The following PDE4D variants were observed in gnomAD, a reference collection of about 807,000 sequenced individuals.
PDE4D encodes 3',5'-cyclic-AMP phosphodiesterase 4D.
A neutral mutation model predicts 87.4 loss-of-function variants in PDE4D; 24 were observed. The observed-to-expected ratio is 0.27, with a 90% CI of 0.20 to 0.39. The LOEUF is 0.39. Ranked by LOEUF, PDE4D falls within the 10% of genes least tolerant of loss-of-function variation. The probability of loss-of-function intolerance (pLI) is 1.00; values close to 1 mark genes in which losing one functional copy is unlikely to be tolerated. For synonymous variants in PDE4D, 384 were observed against 383.2 expected, an observed-to-expected ratio of 1.00 and a Z score of -0.02; for missense variants, 714 against 1,041.0, an observed-to-expected ratio of 0.69 and a Z score of 4.32.
At chr5:59,712,444 T>A (rs1158711924) in intron 1 of PDE4D, among the ~76,000 whole-genome samples, 3 of 145,846 alleles carry the variant, frequency 2.1e-5, no homozygotes, top group Non-Finnish European at 4.5e-5. Flanking sequence ...GTTGTTTTAT[T>A]CTAAGTTCTT....
At chr5:60,079,490 A>G (rs1582545657) in intron 2 of PDE4D, among the ~76,000 whole-genome samples, 1 of 152,106 alleles carries the variant, frequency 6.6e-6, no homozygotes, top group African/African-American at 2.4e-5. Context: ...GTTTTCTTCT[A>G]CTGTTTTTAT....
chr5:59,976,654 T>C (rs1004559595), intron 3 of PDE4D, among the ~76,000 whole-genome samples: 19 of 152,332 alleles, frequency 1.2e-4, no homozygotes, highest in Admixed American at 3.9e-4. Context: ...TTTATAGCCA[T>C]GCAAAACAGA....
At chr5:59,439,491 T>C (rs1219101341) in intron 1 of PDE4D, among the ~76,000 whole-genome samples, 2 of 152,192 alleles carry the variant, frequency 1.3e-5, no homozygotes, top group Non-Finnish European at 2.9e-5. Flanking sequence ...TCAGTTTCCA[T>C]GACACTTAGG....
At chr5:59,298,082 G>A (rs1335468466) in intron 1 of PDE4D, among the ~76,000 whole-genome samples, 2 of 150,230 alleles carry the variant, frequency 1.3e-5, no homozygotes, top group South Asian at 2.1e-4. Context: ...AAATATGATA[G>A]CAGGCAGCCA....
intron 1 of PDE4D, among the ~76,000 whole-genome samples, chr5:60,498,235 T>C (rs770717390): frequency 2.0e-5 from 3 of 151,320 alleles, no homozygotes; most frequent in Admixed American, 6.6e-5. Flanking sequence ...ACCACAAAGA[T>C]TGTGCTGTGA....
intron 3 of PDE4D, among the ~76,000 whole-genome samples, chr5:59,918,684 G>A (rs759483013): frequency 6.6e-6 from 1 of 152,200 alleles, no homozygotes; most frequent in Non-Finnish European, 1.5e-5. Flanking sequence ...AAGAGCTAAT[G>A]TAACCTCTGA....
chr5:59,997,610 C>T (rs931841939), intron 2 of PDE4D, among the ~76,000 whole-genome samples: 4 of 152,058 alleles, frequency 2.6e-5, no homozygotes, highest in African/African-American at 9.7e-5. Context: ...GTTCCCTTTC[C>T]ACATGCAGAG....
intron 1 of PDE4D, among the ~76,000 whole-genome samples, chr5:59,392,058 G>A (rs1005903552): frequency 1.3e-5 from 2 of 149,084 alleles, no homozygotes; most frequent in East Asian, 2.0e-4. Flanking sequence ...ATTCACTGCT[G>A]TATTTTTTTT....
chr5:60,388,875 C>T (rs1027637151), intron 1 of PDE4D, among the ~76,000 whole-genome samples: 1 of 152,252 alleles, frequency 6.6e-6, no homozygotes, highest in East Asian at 1.9e-4. Flanking sequence ...ATTAAGTAAT[C>T]CATTATCAAT....
intron 1 of PDE4D, among the ~76,000 whole-genome samples, chr5:60,371,134 C>T (rs1365210103): frequency 6.6e-6 from 1 of 152,174 alleles, no homozygotes; most frequent in African/African-American, 2.4e-5. Flanking sequence ...TAAACAAGGT[C>T]AAGAAGTGAG....
At chr5:59,890,105 G>A (rs765071485) in intron 1 of PDE4D, among the ~76,000 whole-genome samples, 16 of 152,258 alleles carry the variant, frequency 1.1e-4, no homozygotes, top group Non-Finnish European at 1.9e-4. Context: ...TACAGTGCAT[G>A]CTAGAAATAG....
At chr5:60,466,274 C>T (rs898262830) in intron 1 of PDE4D, among the ~76,000 whole-genome samples, 1 of 152,132 alleles carries the variant, frequency 6.6e-6, no homozygotes, top group Non-Finnish European at 1.5e-5. Flanking sequence ...CACAAATTGG[C>T]TGCTTGTTGT....
chr5:59,979,455 T>C (rs972397995), intron 3 of PDE4D, among the ~76,000 whole-genome samples: 3 of 151,988 alleles, frequency 2.0e-5, no homozygotes, highest in South Asian at 4.2e-4. Flanking sequence ...TATGATAACA[T>C]TTAGCACTAA....
intron 1 of PDE4D, among the ~76,000 whole-genome samples, chr5:60,480,636 A>G (rs1167754090): frequency 6.6e-6 from 1 of 152,118 alleles, no homozygotes; most frequent in Non-Finnish European, 1.5e-5. Flanking sequence ...AAAAACCACA[A>G]TTACTTTTGC....
chr5:60,098,751 A>G (rs897226073), intron 2 of PDE4D, among the ~76,000 whole-genome samples: 2 of 151,970 alleles, frequency 1.3e-5, no homozygotes, highest in African/African-American at 4.8e-5. Flanking sequence ...CAATTTGGAT[A>G]TTTTTTACTT....
At chr5:60,008,255 C>T (rs1448450637) in intron 2 of PDE4D, among the ~76,000 whole-genome samples, 2 of 151,884 alleles carry the variant, frequency 1.3e-5, no homozygotes, top group Non-Finnish European at 2.9e-5. Flanking sequence ...GGTGTTAGCA[C>T]CCCGATTGCT....
chr5:59,542,708 A>G (rs1816573861), intron 1 of PDE4D, among the ~76,000 whole-genome samples: 1 of 152,214 alleles, frequency 6.6e-6, no homozygotes, highest in African/African-American at 2.4e-5. Context: ...ACCATCCAGT[A>G]TGATAGAAAA....
At position 60,407,157 on chromosome 5, in the gene PDE4D, TTGAGTA is replaced by T. The variant is rs1296665205; in HGVS notation, c.-90+80779_-90+80784del. On this transcript the variant is annotated intron_variant, in intron 1 of 16. Coordinates refer to the PDE4D transcript ENST00000502484. ...GAGCTGCTTGGTGACAAGAGGGTCGTTGAGTACCTGAGAGTACCTTTACCTATTTTA... is the reference window on the plus strand; with the variant it reads ...GAGCTGCTTGGTGACAAGAGGGTCGTCCTGAGAGTACCTTTACCTATTTTA... Among the ~76,000 whole-genome samples, 5 of 152,274 alleles carry T rather than the reference TTGAGTA, an allele frequency of 3.3e-5. No homozygotes were observed. The East Asian group carries it at 9.7e-4, about 29-fold the overall frequency.
intron 6 of PDE4D, among the ~76,000 whole-genome samples, chr5:59,000,535 A>T (rs78035377): frequency 2.7e-3 from 415 of 152,266 alleles, no homozygotes; most frequent in Non-Finnish European, 4.4e-3. Context: ...TTCTATTGTT[A>T]TGTATGACAG....
Sources: allele counts gnomAD v4.1 joint callset (sites outside exome capture counted in the v4.1 genomes callset), GRCh38; gene constraint gnomAD v4.1.1; transcripts MANE v1.5; gene names NCBI Gene and HGNC (gene_info 2026-07-23, HGNC 2026-07-21).